LATS2: variants seen among roughly 807,000 people sequenced by gnomAD.
LATS2 encodes the protein serine/threonine-protein kinase LATS2.
LATS2 carries 24 observed loss-of-function variants against 76.0 expected under a neutral mutation model. The observed-to-expected ratio is 0.32, with a 90% CI of 0.23 to 0.44. The LOEUF (loss-of-function observed/expected upper bound fraction) is 0.44, where lower values mean the gene tolerates loss of function less well. LATS2 is among the 20% of genes least tolerant of loss of function. The probability of loss-of-function intolerance (pLI) is 1.00; values close to 1 mark genes in which losing one functional copy is unlikely to be tolerated. For missense variants in LATS2, 1,286 were observed against 1,481.2 expected, an observed-to-expected ratio of 0.87 and a Z score of 2.16; for synonymous variants, 692 against 635.4, an observed-to-expected ratio of 1.09 and a Z score of -1.34.
intron 1 of LATS2, among the ~76,000 whole-genome samples, chr13:21,047,497 C>T (rs1311523211): frequency 6.6e-6 from 1 of 152,172 alleles, no homozygotes; most frequent in Non-Finnish European, 1.5e-5. Context: ...GCTGCCCCTT[C>T]CCTCACCCAC....
At chr13:21,028,213 A>G (rs1055353649) in intron 2 of LATS2, among the ~76,000 whole-genome samples, 3 of 152,058 alleles carry the variant, frequency 2.0e-5, no homozygotes, top group Non-Finnish European at 4.4e-5. Context: ...GTTTCCTGAG[A>G]ATGATGATTT....
At chr13:20,982,705 T>C (rs1462868912) in intron 5 of LATS2, among the ~76,000 whole-genome samples, 2 of 151,912 alleles carry the variant, frequency 1.3e-5, no homozygotes, top group Non-Finnish European at 2.9e-5. Flanking sequence ...CTTAAAAATA[T>C]AGTAGGCCAG....
chr13:21,010,389 C>A (rs1451203064), intron 2 of LATS2, among the ~76,000 whole-genome samples: 1 of 152,046 alleles, frequency 6.6e-6, no homozygotes, highest in African/African-American at 2.4e-5. Context: ...CAGTCCTCCA[C>A]CTGGTCACCC....
At position 20,991,080 on chromosome 13, in the gene LATS2, T is replaced by C. The variant is rs931205136; in HGVS notation, c.475+192A>G. Among the ~76,000 whole-genome samples, 9 of 152,236 alleles carry C rather than the reference T, an allele frequency of 5.9e-5. No homozygotes were observed. The highest frequency in any genetic ancestry group is 3.3e-4 in the Admixed American group (5 of 15,290). On this transcript the variant is annotated intron_variant, in intron 3 of 7. Transcript: ENST00000382592. The surrounding 1 kb of genome is among the most constrained non-coding windows in gnomAD (Gnocchi z 4.9). ...CCAGGCGTGTCCCACGGTCTACCAC[T>C]TGGGGCTGCTCCCGCCAGGGCCTGA...
chr13:20,988,988 G>C lies in LATS2; in HGVS notation c.792C>G (p.Pro264=), dbSNP rs776667323. ...GRPHLLVPGE[P]LGYGVQRSPS... ...GGCTGCGCTGCACTCCGTAGCCCAG[G>C]GGTTCCCCAGGCACCAGCAGGTGCG... is the stretch of plus-strand genomic sequence containing the variant. Residue 264 remains proline, a synonymous_variant, in exon 4 of 8, where the codon CCC becomes CCG. Coordinates refer to ENST00000382592, the MANE Select transcript of LATS2 (RefSeq NM_014572.3). The C allele has an allele frequency of 1.3e-6, 2 of 1,544,068 alleles. No individual in the cohort carries two copies. Among genetic ancestry groups the C allele is most frequent in the African/African-American group, 2.7e-5 (2 of 73,392 alleles).
At chr13:21,053,218 A>G in intron 1 of LATS2, among the ~76,000 whole-genome samples, 1 of 122,886 alleles carries the variant, frequency 8.1e-6, no homozygotes, top group Non-Finnish European at 1.6e-5. Context: ...TTGGCAACAG[A>G]GTGAGACTCT....
intron 4 of LATS2, among the ~76,000 whole-genome samples, chr13:20,986,047 A>G (rs1870127459): frequency 6.6e-6 from 1 of 152,228 alleles, no homozygotes; most frequent in Non-Finnish European, 1.5e-5. Context: ...TCTGTCTCAA[A>G]AAGAAAAAAA....
In LATS2 at chr13:21,046,072, G is replaced by C; in HGVS notation, c.-46C>G. On this transcript the variant is annotated 5_prime_UTR_variant, in exon 2 of 8. Transcript: ENST00000382592. ...ACCATAAATACAATCTTCTTAAAGT[G>C]TTTTATTATTTAAAAAAAAAAACTG... 6.2e-6 allele frequency: 8 copies of C among 1,281,580 alleles called. No individual in the cohort carries two copies. Among genetic ancestry groups the C allele is most frequent in the Non-Finnish European group, 8.7e-6 (8 of 923,928 alleles). 79.4% of individuals were successfully genotyped at this position (1,281,580 alleles called of 1,614,324 possible).
At chr13:21,041,135 G>C (rs978118378) in intron 2 of LATS2, among the ~76,000 whole-genome samples, 1 of 152,088 alleles carries the variant, frequency 6.6e-6, no homozygotes, top group African/African-American at 2.4e-5. Flanking sequence ...ACCATGCCCG[G>C]CTAATTTTTT....
At chr13:21,042,987 AAAAAAAC>A (rs1214008202) in intron 2 of LATS2, among the ~76,000 whole-genome samples, 6 of 122,866 alleles carry the variant, frequency 4.9e-5, no homozygotes, top group East Asian at 5.2e-4. Flanking sequence ...CCGTCTCAAA[AAAAAAAC>A]CAAAAAACAA....
intron 1 of LATS2, among the ~76,000 whole-genome samples, chr13:21,060,118 G>A (rs1873579501): frequency 2.0e-5 from 3 of 152,208 alleles, no homozygotes; most frequent in Admixed American, 2.0e-4. Context: ...GCCCTGGTCG[G>A]GTGGGTTTTA....
intron 7 of LATS2, among the ~76,000 whole-genome samples, chr13:20,976,206 G>C (rs1323408290): frequency 6.6e-6 from 1 of 152,186 alleles, no homozygotes; most frequent in Non-Finnish European, 1.5e-5. Context: ...CTTAGAATCA[G>C]GAGGAAACAA....
At position 20,973,133 on chromosome 13, in the gene LATS2, G is replaced by A. The variant is rs1869413532; in HGVS notation, c.*1737C>T. On this transcript the variant is annotated 3_prime_UTR_variant, in exon 8 of 8. Transcript: ENST00000382592. ...ATAGTTAAACTGAGTTCCTGAGAAAGAACCTACCACATGAAAGTATGTCAG... is the reference window on the plus strand; with the variant it reads ...ATAGTTAAACTGAGTTCCTGAGAAAAAACCTACCACATGAAAGTATGTCAG... 3 of 232,098 alleles carry A rather than the reference G, an allele frequency of 1.3e-5. No homozygotes were observed. In the South Asian group the frequency reaches 5.4e-4, roughly 42 times the overall value. 14.4% of individuals were successfully genotyped at this position (232,098 alleles called of 1,614,324 possible). A position where few individuals can be genotyped will look rare whatever the true frequency, so the allele number is the denominator to read the frequency against.
chr13:20,990,461 A>ATT (rs35074574), intron 3 of LATS2, among the ~76,000 whole-genome samples: 1,008 of 94,484 alleles, frequency 0.011, 107 homozygotes, highest in Middle Eastern at 0.018. Context: ...AATTACTAGG[A>ATT]TTTTTTTTTT....
In LATS2 at chr13:20,983,753, T is replaced by C. The variant is rs1870015138; in HGVS notation, c.1953A>G (p.Lys651=). The C allele has an allele frequency of 1.9e-6, 3 of 1,614,096 alleles. No homozygotes were observed. Among genetic ancestry groups the C allele is most frequent in the South Asian group, 2.2e-5 (2 of 91,082 alleles). The change falls in exon 5 of 8, where the codon AAA becomes AAG. Residue 651 remains lysine, a synonymous_variant. Coordinates refer to ENST00000382592, the MANE Select transcript of LATS2 (RefSeq NM_014572.3). ...QEQMRKILYQ[K]ESNYNRLKRA... ...TCTTTAACCTGTTGTAATTAGACTC[T>C]TTCTGGTAGAGGATCTTCCGCATCT...
At position 20,988,765 on chromosome 13, in the gene LATS2, C is replaced by T. The variant is rs1390242703; in HGVS notation, c.1015G>A (p.Ala339Thr). The change falls in exon 4 of 8, where the codon GCC (alanine) becomes ACC (threonine). Residue 339 changes from alanine (A) to threonine (T), a missense_variant. By Grantham distance (58) the Ala-to-Thr change is moderately conservative. This residue lies in a region of LATS2 where 710 missense variants were observed against 660.9 expected (regional missense o/e 1.07). Transcript: ENST00000382592. ...AGGCTCTGCGGGGGGCTGTCGCTGG[C>T]GAACACCTGGCTGCGGGAGCCCAGC... ...HVLGSRSQVF[A>T]SDSPPQSLLT... is the part of the protein sequence containing the mutation. 5 of 1,582,546 alleles carry T rather than the reference C, an allele frequency of 3.2e-6. No homozygotes were observed. Among genetic ancestry groups the T allele is most frequent in the East Asian group, 4.5e-5 (2 of 44,572 alleles).
intron 2 of LATS2, among the ~76,000 whole-genome samples, chr13:21,041,198 T>A (rs997295222): frequency 6.6e-6 from 1 of 152,114 alleles, no homozygotes; most frequent in African/African-American, 2.4e-5. Flanking sequence ...GGTCTCGACC[T>A]CCTGACCTCA....
chr13:21,016,020 C>T (rs1195074037), intron 2 of LATS2, among the ~76,000 whole-genome samples: 4 of 151,040 alleles, frequency 2.6e-5, no homozygotes, highest in Non-Finnish European at 5.9e-5. Flanking sequence ...GACAGACTCT[C>T]ACTCTGTCAC....
chr13:21,035,727 T>C (rs184457118), intron 2 of LATS2, among the ~76,000 whole-genome samples: 1 of 152,186 alleles, frequency 6.6e-6, no homozygotes, highest in Non-Finnish European at 1.5e-5. Flanking sequence ...TACTGCACAC[T>C]GGGATAGAAG....
Sources: allele counts gnomAD v4.1 joint callset (sites outside exome capture counted in the v4.1 genomes callset), GRCh38; gene constraint gnomAD v4.1.1; regional missense constraint gnomAD v4.1.1; non-coding constraint Gnocchi (gnomAD v3.1); transcripts MANE v1.5; gene names NCBI Gene and HGNC (gene_info 2026-07-23, HGNC 2026-07-21).